The following KCTD10 variants were observed in gnomAD, a reference collection of about 807,000 sequenced individuals.
The protein encoded by KCTD10 is potassium channel tetramerization domain containing 10.
KCTD10 carries 13 observed loss-of-function variants against 34.6 expected under a neutral mutation model. The ratio of observed to expected loss-of-function variants is 0.38; its 90% CI spans 0.24 to 0.60. KCTD10 has a LOEUF of 0.60. Ranked by LOEUF, KCTD10 falls within the 20% of genes least tolerant of loss-of-function variation. KCTD10 has a pLI of 0.66. For missense variants in KCTD10, 256 were observed against 420.3 expected (o/e 0.61, Z 3.42); for synonymous variants, 156 against 168.8 (o/e 0.92, Z 0.59).
At chr12:109,473,528 G>C (rs960122879) in intron 1 of KCTD10, among the ~76,000 whole-genome samples, 5 of 152,270 alleles carry the variant, frequency 3.3e-5, no homozygotes, top group Middle Eastern at 6.8e-3. Flanking sequence ...AAGAGATAAA[G>C]GCAGGAGCCA....
At chr12:109,466,158 G>A (rs893154744) in intron 2 of KCTD10, among the ~76,000 whole-genome samples, 1 of 152,120 alleles carries the variant, frequency 6.6e-6, no homozygotes, top group African/African-American at 2.4e-5. Context: ...CATCCCTTGG[G>A]GGTAGTGTGG....
intron 2 of KCTD10, among the ~76,000 whole-genome samples, chr12:109,461,817 A>G (rs1014518786): frequency 6.6e-6 from 1 of 152,222 alleles, no homozygotes; most frequent in Non-Finnish European, 1.5e-5. Flanking sequence ...GGGTGACCTC[A>G]GGCAAGGGGC....
At chr12:109,471,084 CT>C (rs1873862997) in intron 1 of KCTD10, 2 of 984,964 alleles carry the variant, frequency 2.0e-6, no homozygotes, top group Non-Finnish European at 2.4e-6. Context: ...TGCTTTTTGG[CT>C]GCAGGGCACT....
At chr12:109,469,986 C>T (rs1219756335) in intron 1 of KCTD10, 4 of 1,191,850 alleles carry the variant, frequency 3.4e-6, no homozygotes, top group Non-Finnish European at 4.3e-6. Context: ...CTAGAGAGGG[C>T]CATGCATCCC....
At chr12:109,465,495 C>T (rs1006758625) in intron 2 of KCTD10, among the ~76,000 whole-genome samples, 3 of 152,132 alleles carry the variant, frequency 2.0e-5, no homozygotes, top group African/African-American at 7.2e-5. Flanking sequence ...TGGGCCACAC[C>T]CTGGCTGGGA....
chr12:109,466,508 C>G (rs1873594201), intron 2 of KCTD10, among the ~76,000 whole-genome samples: 1 of 152,228 alleles, frequency 6.6e-6, no homozygotes, highest in Admixed American at 6.5e-5. Flanking sequence ...GTAGACAGAG[C>G]TCCACAAATG....
In KCTD10 at chr12:109,467,346, G is replaced by A. The variant is rs72649520; in HGVS notation, c.217+2169C>T. On this transcript the variant is annotated intron_variant, in intron 2 of 6. Coordinates refer to ENST00000228495, the MANE Select transcript of KCTD10 (RefSeq NM_031954.5). The stretch of plus-strand genomic sequence containing the variant: ...ATGAAACAATACCCATCGGCTGTGC[G>A]TGGTGGCTCACGCCTGTAATCCCAG... 1.8e-3 allele frequency among the ~76,000 whole-genome samples: 272 copies of A among 152,356 alleles called. 2 individuals carry two copies. Among genetic ancestry groups the A allele is most frequent in the South Asian group, 3.9e-3 (19 of 4,832 alleles).
chr12:109,460,631 C>T lies in KCTD10; in HGVS notation c.387+5G>A. The T allele has an allele frequency of 6.2e-7, 1 of 1,612,114 alleles. No homozygotes were observed. The highest frequency in any genetic ancestry group is 8.5e-7 in the Non-Finnish European group (1 of 1,178,650). On this transcript the variant is annotated splice_donor_5th_base_variant and intron_variant, in intron 3 of 6. Transcript: ENST00000228495. The surrounding 1 kb of genome is among the most constrained non-coding windows in gnomAD (Gnocchi z 4.5). ...ACCCATATGGGAAGAAAGGGTGATG[C>T]CTACTTGTAGGGCCGCCTGGCACTC...
chr12:109,452,863 T>C (rs1872848516), intron 6 of KCTD10, among the ~76,000 whole-genome samples: 1 of 151,654 alleles, frequency 6.6e-6, no homozygotes, highest in African/African-American at 2.4e-5. Context: ...TTAAAAGATA[T>C]GGGATCTGGC....
intron 2 of KCTD10, among the ~76,000 whole-genome samples, chr12:109,462,707 G>C (rs1207813494): frequency 6.6e-6 from 1 of 152,210 alleles, no homozygotes; most frequent in Non-Finnish European, 1.5e-5. Flanking sequence ...AGGCAGGAAT[G>C]TGGGCCCAAG....
At chr12:109,476,561 T>C (rs1874298886) in intron 1 of KCTD10, among the ~76,000 whole-genome samples, 1 of 152,120 alleles carries the variant, frequency 6.6e-6, no homozygotes, top group African/African-American at 2.4e-5. Context: ...CTGGCCTCAA[T>C]GGAAGTTACA....
At chr12:109,476,628 C>T (rs1874306353) in intron 1 of KCTD10, among the ~76,000 whole-genome samples, 1 of 152,162 alleles carries the variant, frequency 6.6e-6, no homozygotes, top group Admixed American at 6.5e-5. Context: ...GTATCCTAAC[C>T]TCAGGCCCCT....
rs1872602827 is a variant in KCTD10 at position 109,448,691 on chromosome 12, T to C, written c.*2904A>G. Reference sequence around the variant, plus strand: ...ACTTTTATTTTACATGTCGCCAACGTTTGTACAACATACAGTGGCTACATC... The same window carrying C: ...ACTTTTATTTTACATGTCGCCAACGCTTGTACAACATACAGTGGCTACATC... On this transcript the variant is annotated 3_prime_UTR_variant, in exon 7 of 7. Transcript: ENST00000228495. 6.6e-6 allele frequency: 1 copy of C among 152,268 alleles called. No homozygotes were observed. The highest frequency in any genetic ancestry group is 1.5e-5 in the Non-Finnish European group (1 of 68,040). The allele number at this position is 152,268 out of a possible 1,614,324, so 9.4% of individuals were successfully genotyped here. A position where few individuals can be genotyped will look rare whatever the true frequency, so the allele number is the denominator to read the frequency against.
rs146438443 is a variant in KCTD10, at chr12:109,466,009, C to T, written c.217+3506G>A. 3.0e-3 allele frequency among the ~76,000 whole-genome samples: 463 copies of T among 152,324 alleles called. 2 individuals carry two copies. Among genetic ancestry groups the T allele is most frequent in the African/African-American group, 0.011 (455 of 41,566 alleles). ...TGAACAGAATGCATTGTGAAAGGTG[C>T]TACCTACATCCGTGGACCAATGGCA... On this transcript the variant is annotated intron_variant, in intron 2 of 6. Transcript: ENST00000228495.
chr12:109,465,248 G>C (rs1011608050), intron 2 of KCTD10, among the ~76,000 whole-genome samples: 2 of 152,210 alleles, frequency 1.3e-5, no homozygotes, highest in African/African-American at 4.8e-5. Context: ...GAAAATGTCT[G>C]AACGAGAGCT....
At chr12:109,466,877 G>C (rs1376563129) in intron 2 of KCTD10, among the ~76,000 whole-genome samples, 2 of 152,274 alleles carry the variant, frequency 1.3e-5, no homozygotes, top group Non-Finnish European at 2.9e-5. Context: ...CTGTAGGCCA[G>C]GGTAGAGCTG....
intron 1 of KCTD10, among the ~76,000 whole-genome samples, chr12:109,473,243 C>T (rs974486136): frequency 5.3e-5 from 8 of 152,116 alleles, no homozygotes; most frequent in African/African-American, 1.2e-4. Flanking sequence ...AAAGGCCAGC[C>T]TCACCTCCCT....
Position 109,460,319 on chromosome 12 carries a change from A to C in KCTD10, c.387+317T>G, listed in dbSNP as rs1437631351. On this transcript the variant is annotated intron_variant, in intron 3 of 6. Transcript: ENST00000228495. The surrounding 1 kb of genome is among the most constrained non-coding windows in gnomAD (Gnocchi z 4.5). ...CAACAATGACTTGTGGGACTAGAGT[A>C]AGCCCTAAGATTGGTCCCGAACACC... is the stretch of plus-strand genomic sequence containing the variant. 1 of 270,814 alleles carries C rather than the reference A, an allele frequency of 3.7e-6. No individual in the cohort carries two copies. The highest frequency in any genetic ancestry group is 2.2e-5 in the African/African-American group (1 of 45,620). The allele number at this position is 270,814 out of a possible 1,614,324, so 16.8% of individuals were successfully genotyped here. A position where few individuals can be genotyped will look rare whatever the true frequency, so the allele number is the denominator to read the frequency against.
rs935467826 is a variant in KCTD10 at position 109,457,753 on chromosome 12, A to C, written c.475-71T>G. On this transcript the variant is annotated intron_variant, in intron 4 of 6. Transcript: ENST00000228495. ...AGATGCAATGAACTACTAGCTTCCC[A>C]TAGGGCTGGGGCCCTGCCCTGCATC... The C allele has an allele frequency of 2.0e-6, 3 of 1,504,492 alleles. No homozygotes were observed. In the African/African-American group the frequency reaches 4.1e-5, roughly 21 times the overall value. 93.2% of individuals were successfully genotyped at this position (1,504,492 alleles called of 1,614,324 possible).
Sources: gnomAD v4.1 joint callset for allele counts (sites outside exome capture counted in the v4.1 genomes callset) on GRCh38, gnomAD v4.1.1 for gene constraint, Gnocchi (gnomAD v3.1) non-coding constraint, MANE v1.5 for transcripts, NCBI Gene and HGNC (gene_info 2026-07-23, HGNC 2026-07-21) for gene names.